The following SCARF1 variants were observed in gnomAD, a reference collection of about 807,000 sequenced individuals.
SCARF1 encodes the protein scavenger receptor class F member 1, also known as acetyl LDL receptor.
In SCARF1, 49 loss-of-function variants were observed where a neutral mutation model predicts 76.3. The ratio of observed to expected loss-of-function variants is 0.64; its 90% CI spans 0.51 to 0.81. The LOEUF (loss-of-function observed/expected upper bound fraction) is 0.81. SCARF1 is among the 40% of genes least tolerant of loss of function. The pLI, the probability that SCARF1 is intolerant of heterozygous loss-of-function variation, is 0.00. For synonymous variants in SCARF1, 495 were observed against 474.6 expected, an observed-to-expected ratio of 1.04 and a Z score of -0.56; for missense variants, 1,098 against 1,143.9, an observed-to-expected ratio of 0.96 and a Z score of 0.58.
chr17:1,641,082 T>C (rs905703337), intron 4 of SCARF1, among the ~76,000 whole-genome samples: 1 of 152,108 alleles, frequency 6.6e-6, no homozygotes, highest in African/African-American at 2.4e-5. Flanking sequence ...TTCTACCCCA[T>C]CACACGAAAT....
At chr17:1,638,469 C>T (rs941507198) in intron 8 of SCARF1, 4 of 185,032 alleles carry the variant, frequency 2.2e-5, no homozygotes, top group Admixed American at 6.2e-5. Context: ...CTGCAGGCTC[C>T]GGTTCGCCAG....
chr17:1,640,976 C>A lies in SCARF1; in HGVS notation c.792-310G>T, dbSNP rs1164365657. Reference sequence around the variant, plus strand: ...ACCACCAAGCTCTGAGTCCCATTTGCGAGGTCTGCCAGGCCTTCCCTCCTG... The same window carrying A: ...ACCACCAAGCTCTGAGTCCCATTTGAGAGGTCTGCCAGGCCTTCCCTCCTG... On this transcript the variant is annotated intron_variant, in intron 4 of 10. Transcript: ENST00000263071. The surrounding 1 kb of genome is among the most constrained non-coding windows in gnomAD (Gnocchi z 4.7). Among the ~76,000 whole-genome samples the A allele has an allele frequency of 6.6e-6, 1 of 152,212 alleles. No homozygotes were observed. Among genetic ancestry groups the A allele is most frequent in the Non-Finnish European group, 1.5e-5 (1 of 68,044 alleles).
rs778628632 is a variant in SCARF1, at chr17:1,640,623, C to T, written c.835G>A (p.Gly279Ser). The change falls in exon 5 of 11, where the codon GGC becomes AGC. Residue 279 changes from glycine (G) to serine (S), a missense_variant. Coordinates refer to ENST00000263071, the MANE Select transcript of SCARF1 (RefSeq NM_003693.4). The surrounding 1 kb of genome is among the most constrained non-coding windows in gnomAD (Gnocchi z 4.7). Reference sequence around the variant, plus strand: ...CCCGGCTCGCAGGACTCACAGCTGCCTGTGTCTGGAGAGCACGGCTCATTG... The same window carrying T: ...CCCGGCTCGCAGGACTCACAGCTGCTTGTGTCTGGAGAGCACGGCTCATTG... Reference protein sequence around the residue: ...KHNEPCSPDTGSCESCEPGWN... With the variant: ...KHNEPCSPDTSSCESCEPGWN... 6.2e-7 allele frequency: 1 copy of T among 1,612,776 alleles called. No homozygotes were observed. Among genetic ancestry groups the T allele is most frequent in the East Asian group, 2.2e-5 (1 of 44,856 alleles).
Position 1,640,758 on chromosome 17 carries a change from G to A in SCARF1, c.792-92C>T, listed in dbSNP as rs755879219. 2.9e-5 allele frequency: 36 copies of A among 1,253,870 alleles called. No individual in the cohort carries two copies. In the African/African-American group the frequency reaches 3.3e-4, roughly 11 times the overall value. The allele number at this position is 1,253,870 out of a possible 1,614,324, so 77.7% of individuals were successfully genotyped here. ...CCTGTACTCCACGCAGGCCTTCGGG[G>A]GCCCTGGAGAGTGTTCGGGTCCCAC... On this transcript the variant is annotated intron_variant, in intron 4 of 10. Transcript: ENST00000263071. The surrounding 1 kb of genome is among the most constrained non-coding windows in gnomAD (Gnocchi z 4.7).
Position 1,645,417 on chromosome 17 carries a change from C to A in SCARF1, c.102-178G>T. The A allele has an allele frequency of 6.9e-7, 1 of 1,452,642 alleles. No homozygotes were observed. Among genetic ancestry groups the A allele is most frequent in the Non-Finnish European group, 9.3e-7 (1 of 1,080,034 alleles). 90.0% of individuals were successfully genotyped at this position (1,452,642 alleles called of 1,614,324 possible). ...CCCTCTCCTTCCCTGACCCTTCCAC[C>A]ATCTGCCCTGGCTGGCCACTACCTG... On this transcript the variant is annotated intron_variant, in intron 1 of 10. Coordinates refer to ENST00000263071, the MANE Select transcript of SCARF1 (RefSeq NM_003693.4). This position sits in a 1 kb window ranked among gnomAD's most constrained non-coding sequence, Gnocchi z 6.3.
At chr17:1,636,633 AC>A in intron 10 of SCARF1, 75 bp downstream of exon 10, 1 of 1,513,780 alleles carries the variant, frequency 6.6e-7, no homozygotes, top group Non-Finnish European at 9.0e-7. Flanking sequence ...AAAATAAATA[AC>A]TTTGCTGGAG....
In SCARF1 at chr17:1,634,839, G is replaced by A; in HGVS notation, c.2412C>T (p.Pro804=). 10 of 1,613,844 alleles carry A rather than the reference G, an allele frequency of 6.2e-6. No homozygotes were observed. The highest frequency in any genetic ancestry group is 8.5e-6 in the Non-Finnish European group (10 of 1,179,848). Residue 804 remains proline (P), a synonymous_variant, in exon 11 of 11, where the codon CCC becomes CCT. Transcript: ENST00000263071. ...VSGCGSPEQD[P]QKQAEEERQE... is the part of the protein sequence containing the mutation. The stretch of plus-strand genomic sequence containing the variant: ...GCCTTTCCTCTTCAGCCTGCTTCTG[G>A]GGATCCTGTTCTGGGGAGCCACAGC...
In SCARF1 at chr17:1,645,524, G is replaced by C; in HGVS notation, c.101+73C>G. On this transcript the variant is annotated intron_variant, in intron 1 of 10. Coordinates refer to ENST00000263071, the MANE Select transcript of SCARF1 (RefSeq NM_003693.4). This position sits in a 1 kb window ranked among gnomAD's most constrained non-coding sequence, Gnocchi z 6.3. ...CCTTCCCCTAACGGCCTCAACACCG[G>C]TTCAGCCACCCGCATCAGACTCCCA... 6.4e-7 allele frequency: 1 copy of C among 1,553,298 alleles called. No individual in the cohort carries two copies. The highest frequency in any genetic ancestry group is 8.6e-7 in the Non-Finnish European group (1 of 1,156,162).
rs1909375565 is a variant in SCARF1, at chr17:1,634,757, A to G, written c.*1T>C. 5.7e-6 allele frequency: 9 copies of G among 1,583,404 alleles called. No individual in the cohort carries two copies. Among genetic ancestry groups the G allele is most frequent in the Non-Finnish European group, 7.7e-6 (9 of 1,161,422 alleles). On this transcript the variant is annotated 3_prime_UTR_variant, in exon 11 of 11. Transcript: ENST00000263071. ...CTCCCCACTCCCCAAATTCAAGGTC[A>G]TCAGGGTTCTGGTGGCCTGGAGATG...
In SCARF1 at chr17:1,645,542, G is replaced by A. The variant is rs1011296030; in HGVS notation, c.101+55C>T. 1 of 1,569,856 alleles carries A rather than the reference G, an allele frequency of 6.4e-7. No homozygotes were observed. The highest frequency in any genetic ancestry group is 1.1e-5 in the South Asian group (1 of 87,288). ...AACACCGGTTCAGCCACCCGCATCA[G>A]ACTCCCACGAGACCCACCTGCTGGC... On this transcript the variant is annotated intron_variant, in intron 1 of 10. Transcript: ENST00000263071. This position sits in a 1 kb window ranked among gnomAD's most constrained non-coding sequence, Gnocchi z 6.3.
At position 1,634,902 on chromosome 17, in the gene SCARF1, G is replaced by A; in HGVS notation, c.2349C>T (p.Gly783=). 1 of 1,613,504 alleles carries A rather than the reference G, an allele frequency of 6.2e-7. No homozygotes were observed. Among genetic ancestry groups the A allele is most frequent in the Non-Finnish European group, 8.5e-7 (1 of 1,179,946 alleles). ...CCTGGGCTCTCCTTGAACTCTCGGT[G>A]CCAGCCCCCAGCCCCCGGACCGCTT... ...PEEAVRGLGA[G]TESSRRAQEP... The change falls in exon 11 of 11, where the codon GGC becomes GGT. Residue 783 remains glycine, a synonymous_variant. Coordinates refer to ENST00000263071, the MANE Select transcript of SCARF1 (RefSeq NM_003693.4).
chr17:1,641,968 C>T (rs568344931), intron 4 of SCARF1, among the ~76,000 whole-genome samples: 15 of 152,042 alleles, frequency 9.9e-5, no homozygotes, highest in African/African-American at 2.7e-4. Flanking sequence ...GTGATCCGCC[C>T]GCCTCGGCCT....
chr17:1,634,417 A>T lies in SCARF1; in HGVS notation c.*341T>A. On this transcript the variant is annotated 3_prime_UTR_variant, in exon 11 of 11. Transcript: ENST00000263071. ...AAAAAAAAAAAAAATTTGTTTAGCC[A>T]ATCTTTTATCAGCAAACATGTAGGT... 2 of 397,120 alleles carry T rather than the reference A, an allele frequency of 5.0e-6. No homozygotes were observed. Among genetic ancestry groups the T allele is most frequent in the Non-Finnish European group, 8.9e-6 (2 of 225,818 alleles). 24.6% of individuals were successfully genotyped at this position (397,120 alleles called of 1,614,324 possible).
rs1267512328 is a variant in SCARF1, at chr17:1,644,094, A to G, written c.266-127T>C. The G allele has an allele frequency of 1.7e-5, 12 of 712,880 alleles. No individual in the cohort carries two copies. 44.2% of individuals were successfully genotyped at this position (712,880 alleles called of 1,614,324 possible). Reference sequence around the variant, plus strand: ...CCAAGAGCCGGGGACAGACCCTCAGAACATCCGGCAGCCTGTCCTGGGCAA... The same window carrying G: ...CCAAGAGCCGGGGACAGACCCTCAGGACATCCGGCAGCCTGTCCTGGGCAA... On this transcript the variant is annotated intron_variant, in intron 3 of 10. Coordinates refer to ENST00000263071, the MANE Select transcript of SCARF1 (RefSeq NM_003693.4). The surrounding 1 kb of genome is among the most constrained non-coding windows in gnomAD (Gnocchi z 4.8).
rs1224242095 is a variant in SCARF1 at position 1,640,632 on chromosome 17, G to A, written c.826C>T (p.Pro276Ser). Residue 276 changes from proline to serine, a missense_variant, in exon 5 of 11, where the codon CCA becomes TCA. Coordinates refer to ENST00000263071, the MANE Select transcript of SCARF1 (RefSeq NM_003693.4). The surrounding 1 kb of genome is among the most constrained non-coding windows in gnomAD (Gnocchi z 4.7). ...CAGGACTCACAGCTGCCTGTGTCTG[G>A]AGAGCACGGCTCATTGTGTTTGCAG... ...GRCKHNEPCS[P>S]DTGSCESCEP... The A allele has an allele frequency of 1.2e-6, 2 of 1,612,612 alleles. No homozygotes were observed. The highest frequency in any genetic ancestry group is 1.3e-5 in the African/African-American group (1 of 74,916).
chr17:1,636,571 C>T, intron 10 of SCARF1, 138 bp downstream of exon 10: 1 of 993,826 alleles, frequency 1.0e-6, no homozygotes, highest in Non-Finnish European at 1.4e-6. Flanking sequence ...TGAGATCGCA[C>T]CACTGCACTC....
At position 1,635,636 on chromosome 17, in the gene SCARF1, G is replaced by T. The variant is rs371692773; in HGVS notation, c.1634-19C>A. On this transcript the variant is annotated intron_variant, in intron 10 of 10. Transcript: ENST00000263071. ...ACCATCCCTGGCAGAGGAGACAGAA[G>T]AGCTTGGCTGGAGCTGAACTGGCCA... 1.5e-4 allele frequency: 242 copies of T among 1,591,466 alleles called. No individual in the cohort carries two copies. The highest frequency in any genetic ancestry group is 2.0e-4 in the Non-Finnish European group (240 of 1,175,760).
intron 6 of SCARF1, 84 bp from the exon 7 acceptor site, chr17:1,639,826 A>G (rs1371413764): frequency 2.5e-6 from 4 of 1,608,600 alleles, no homozygotes; most frequent in Admixed American, 3.3e-5. Context: ...ATTTCTGGGC[A>G]CTGTCCAGGG....
In SCARF1 at chr17:1,635,509, C is replaced by A. The variant is rs1206216946; in HGVS notation, c.1742G>T (p.Ser581Ile). ...CGATGGCCGCTTGGCCCGAGCTAGG[C>A]TGGAGGTGCGCGGGATGGCGAATGG... ...STPFAIPRTS[S>I]LARAKRPSVS... The change falls in exon 11 of 11, where the codon AGC becomes ATC. Residue 581 changes from serine (S) to isoleucine (I), a missense_variant. Coordinates refer to ENST00000263071, the MANE Select transcript of SCARF1 (RefSeq NM_003693.4). 1.2e-6 allele frequency: 2 copies of A among 1,613,888 alleles called. No individual in the cohort carries two copies. The highest frequency in any genetic ancestry group is 4.5e-5 in the East Asian group (2 of 44,878).
Sources: gnomAD v4.1 joint callset for allele counts (sites outside exome capture counted in the v4.1 genomes callset) on GRCh38, gnomAD v4.1.1 for gene constraint, Gnocchi (gnomAD v3.1) non-coding constraint, MANE v1.5 for transcripts, NCBI Gene and HGNC (gene_info 2026-07-23, HGNC 2026-07-21) for gene names.